SNAP91: variants seen among roughly 807,000 people sequenced by gnomAD.
SNAP91 encodes the protein synaptosome associated protein 91, also known as clathrin coat assembly protein AP180.
Under a neutral mutation model 100.3 loss-of-function variants are expected in SNAP91, and 27 were observed. The ratio of observed to expected loss-of-function variants is 0.27; its 90% CI spans 0.20 to 0.37. The LOEUF (loss-of-function observed/expected upper bound fraction) is 0.37. SNAP91 is among the 10% of genes least tolerant of loss of function. The pLI is 1.00. For synonymous variants in SNAP91, 404 were observed against 398.6 expected, an observed-to-expected ratio of 1.01 and a Z score of -0.16; for missense variants, 986 against 1,123.7, an observed-to-expected ratio of 0.88 and a Z score of 1.75.
At chr6:83,694,049 G>T (rs1236768662) in intron 2 of SNAP91, among the ~76,000 whole-genome samples, 1 of 152,212 alleles carries the variant, frequency 6.6e-6, no homozygotes, top group Non-Finnish European at 1.5e-5. Flanking sequence ...GGAGGAATAT[G>T]CAGTGAGTCC....
At chr6:83,576,337 A>G (rs1818766908) in intron 24 of SNAP91, among the ~76,000 whole-genome samples, 1 of 152,222 alleles carries the variant, frequency 6.6e-6, no homozygotes, top group South Asian at 2.1e-4. Context: ...AAAGGCTGCT[A>G]TCTGGGAACT....
intron 2 of SNAP91, among the ~76,000 whole-genome samples, chr6:83,706,345 TGCAGC>T: frequency 3.3e-5 from 5 of 152,252 alleles, no homozygotes; most frequent in Admixed American, 3.3e-4. Context: ...TTCAGCATGC[TGCAGC>T]AAAGTGATCT....
At chr6:83,685,388 A>G (rs570594683) in intron 2 of SNAP91, among the ~76,000 whole-genome samples, 1 of 152,368 alleles carries the variant, frequency 6.6e-6, no homozygotes, top group African/African-American at 2.4e-5. Flanking sequence ...AAATAAGGAA[A>G]TAATAAATAC....
intron 2 of SNAP91, among the ~76,000 whole-genome samples, chr6:83,701,908 TG>T (rs1208014659): frequency 2.6e-5 from 4 of 152,218 alleles, no homozygotes; most frequent in Admixed American, 6.5e-5. Context: ...CAACTGTCTC[TG>T]GTTTGTGCTT....
At chr6:83,612,700 A>G (rs902011649) in intron 11 of SNAP91, among the ~76,000 whole-genome samples, 1 of 152,002 alleles carries the variant, frequency 6.6e-6, no homozygotes, top group African/African-American at 2.4e-5. Flanking sequence ...ATATGGCGAA[A>G]CCCTGTCTCT....
intron 16 of SNAP91, among the ~76,000 whole-genome samples, chr6:83,598,890 T>C (rs1229181524): frequency 6.6e-6 from 1 of 152,154 alleles, no homozygotes; most frequent in Non-Finnish European, 1.5e-5. Flanking sequence ...ATGGAAATTG[T>C]ATAGCTATCA....
At chr6:83,607,609 T>C (rs2095713240) in intron 13 of SNAP91, 90 bp downstream of exon 13, 3 of 748,210 alleles carry the variant, frequency 4.0e-6, no homozygotes, top group Admixed American at 5.9e-5. Flanking sequence ...AGATTTCCTT[T>C]GGTGAAATCA....
At chr6:83,584,337 C>T (rs991686617) in intron 22 of SNAP91, among the ~76,000 whole-genome samples, 2 of 152,128 alleles carry the variant, frequency 1.3e-5, no homozygotes, top group Non-Finnish European at 2.9e-5. Context: ...TCATCTGATT[C>T]CTTCCTGTCA....
intron 14 of SNAP91, among the ~76,000 whole-genome samples, chr6:83,605,282 C>A (rs2095539977): frequency 6.6e-6 from 1 of 152,052 alleles, no homozygotes; most frequent in South Asian, 2.1e-4. Flanking sequence ...CGAGGCTACA[C>A]CTGACCAAAC....
chr6:83,599,035 G>A (rs2094848236), intron 16 of SNAP91, among the ~76,000 whole-genome samples: 1 of 152,146 alleles, frequency 6.6e-6, no homozygotes, highest in Non-Finnish European at 1.5e-5. Context: ...CACAAGAACA[G>A]TCTCATTCTT....
Position 83,553,555 on chromosome 6 carries a change from A to C in SNAP91, c.*741T>G, listed in dbSNP as rs927426058. The C allele has an allele frequency of 6.6e-6, 1 of 152,130 alleles. No homozygotes were observed. The highest frequency in any genetic ancestry group is 1.5e-5 in the Non-Finnish European group (1 of 68,018). The allele number at this position is 152,130 out of a possible 1,614,324, so 9.4% of individuals were successfully genotyped here. Reference sequence around the variant, plus strand: ...TTAATCAAGAATGAATAAATAGGTCAATTTAGATGCAAAACCTGTCAAATA... The same window carrying C: ...TTAATCAAGAATGAATAAATAGGTCCATTTAGATGCAAAACCTGTCAAATA... On this transcript the variant is annotated 3_prime_UTR_variant, in exon 30 of 30. Transcript: ENST00000369694.
At chr6:83,704,903 T>C (rs1175297129) in intron 2 of SNAP91, among the ~76,000 whole-genome samples, 3 of 152,200 alleles carry the variant, frequency 2.0e-5, no homozygotes, top group Non-Finnish European at 2.9e-5. Flanking sequence ...TCAATGCCTA[T>C]AAAGAAACTT....
chr6:83,575,186 T>G (rs1816196718), intron 25 of SNAP91, 65 bp from the exon 26 acceptor site: 4 of 1,098,962 alleles, frequency 3.6e-6, no homozygotes, highest in Non-Finnish European at 4.1e-6. Context: ...AAATGGTGTG[T>G]GGCTCCTTAG....
At chr6:83,637,067 AG>A (rs1242027985) in intron 8 of SNAP91, among the ~76,000 whole-genome samples, 1 of 152,146 alleles carries the variant, frequency 6.6e-6, no homozygotes, top group African/African-American at 2.4e-5. Flanking sequence ...CAGTGACATC[AG>A]GGCCAGCAGA....
rs748405620 is a variant in SNAP91 at position 83,614,849 on chromosome 6, G to C, written c.884+8C>G. 16 of 1,591,108 alleles carry C rather than the reference G, an allele frequency of 1.0e-5. No homozygotes were observed. The highest frequency in any genetic ancestry group is 1.7e-6 in the Non-Finnish European group (2 of 1,174,822). On this transcript the variant is annotated splice_region_variant and intron_variant, in intron 11 of 29. Transcript: ENST00000369694. ...AAATGCAAAAAACTCACTCCATACA[G>C]TACTCACCCTTCACTTAAGTTCCAA...
chr6:83,696,836 C>G (rs1185019491), intron 2 of SNAP91, among the ~76,000 whole-genome samples: 2 of 152,124 alleles, frequency 1.3e-5, no homozygotes, highest in Admixed American at 1.3e-4. Context: ...AAAGGCCATG[C>G]ATATCTTGTT....
intron 28 of SNAP91, among the ~76,000 whole-genome samples, chr6:83,557,022 T>C (rs997931599): frequency 6.6e-6 from 1 of 152,198 alleles, no homozygotes; most frequent in East Asian, 1.9e-4. Flanking sequence ...GAAAGAATCA[T>C]ATTGGACTTG....
At chr6:83,610,448 C>A (rs1011408490) in intron 12 of SNAP91, among the ~76,000 whole-genome samples, 2 of 149,292 alleles carry the variant, frequency 1.3e-5, no homozygotes, top group Middle Eastern at 3.2e-3. Flanking sequence ...GCCAGGGGAT[C>A]GGGGAGAGAG....
intron 6 of SNAP91, among the ~76,000 whole-genome samples, chr6:83,658,131 T>C (rs988082167): frequency 4.6e-5 from 7 of 152,096 alleles, no homozygotes; most frequent in African/African-American, 1.4e-4. Flanking sequence ...TAAATTTACA[T>C]GCAGGTGTAA....
Sources: allele counts gnomAD v4.1 joint callset (sites outside exome capture counted in the v4.1 genomes callset), GRCh38; gene constraint gnomAD v4.1.1; transcripts MANE v1.5; gene names NCBI Gene and HGNC (gene_info 2026-07-23, HGNC 2026-07-21).